Variants in MGMT observed in about 807,000 individuals in gnomAD.
The protein encoded by MGMT is methylated-DNA--protein-cysteine methyltransferase.
Under a neutral mutation model 15.9 loss-of-function variants are expected in MGMT, and 14 were observed. That is an observed-to-expected ratio of 0.88 (90% CI 0.58 to 1.37). The LOEUF (loss-of-function observed/expected upper bound fraction) is 1.37, where lower values mean the gene tolerates loss of function less well. Among genes scored for constraint, MGMT ranks in the 40% most tolerant of loss-of-function variants. The pLI is 0.00. For missense variants in MGMT, 282 were observed against 268.1 expected (o/e 1.05, Z -0.36); for synonymous variants, 130 against 118.2 (o/e 1.10, Z -0.65).
intron 3 of MGMT, among the ~76,000 whole-genome samples, chr10:129,712,435 C>T (rs1289478338): frequency 6.6e-6 from 1 of 152,220 alleles, no homozygotes; most frequent in African/African-American, 2.4e-5. Context: ...AGTAAAATCT[C>T]CCTTTTTTAA....
At chr10:129,619,811 G>A (rs1847070938) in intron 2 of MGMT, among the ~76,000 whole-genome samples, 1 of 152,168 alleles carries the variant, frequency 6.6e-6, no homozygotes, top group Non-Finnish European at 1.5e-5. Flanking sequence ...CCATGATGAT[G>A]CTATTCCACT....
At chr10:129,735,161 G>C (rs897386210) in intron 3 of MGMT, among the ~76,000 whole-genome samples, 1 of 152,142 alleles carries the variant, frequency 6.6e-6, no homozygotes, top group Non-Finnish European at 1.5e-5. Flanking sequence ...TGTACCTCTG[G>C]TAGAATTCGG....
rs188738170 is a variant in MGMT at position 129,752,341 on chromosome 10, G to A, written c.275-6861G>A. On this transcript the variant is annotated intron_variant, in intron 3 of 4. Transcript: ENST00000651593. ...TTGCATGGTATATCTTTTTCTATCC[G>A]TTTACTTTTAACCTACCTACAGGTA... 5.5e-4 allele frequency among the ~76,000 whole-genome samples: 84 copies of A among 151,386 alleles called. 1 individual carries two copies. The highest frequency in any genetic ancestry group is 1.8e-3 in the Admixed American group (27 of 15,224).
intron 2 of MGMT, among the ~76,000 whole-genome samples, chr10:129,579,454 C>T (rs575098982): frequency 1.3e-5 from 2 of 152,354 alleles, no homozygotes; most frequent in African/African-American, 2.4e-5. Flanking sequence ...CGGCCTGCCC[C>T]GTTTCTGTGC....
At chr10:129,656,356 C>A (rs1847524639) in intron 2 of MGMT, among the ~76,000 whole-genome samples, 3 of 152,206 alleles carry the variant, frequency 2.0e-5, no homozygotes. Context: ...CCTGGTTGGG[C>A]ATCTCCCTGG....
chr10:129,559,085 C>T (rs1423525499), intron 2 of MGMT, among the ~76,000 whole-genome samples: 1 of 152,102 alleles, frequency 6.6e-6, no homozygotes, highest in African/African-American at 2.4e-5. Flanking sequence ...GCTGTTTCTG[C>T]GTCGGAACGT....
intron 3 of MGMT, among the ~76,000 whole-genome samples, chr10:129,722,721 G>C (rs543066375): frequency 1.3e-5 from 2 of 152,204 alleles, no homozygotes; most frequent in South Asian, 4.1e-4. Context: ...GTAAAGTCTT[G>C]TTGGCCAGGC....
intron 1 of MGMT, among the ~76,000 whole-genome samples, chr10:129,471,492 C>T (rs12266534): frequency 0.29 from 43,965 of 151,990 alleles, 7,045 homozygotes; most frequent in Non-Finnish European, 0.36. Flanking sequence ...TCAGGTGTCT[C>T]TCCTGCTTGT....
chr10:129,741,120 C>T (rs560534315), intron 3 of MGMT, among the ~76,000 whole-genome samples: 6 of 152,246 alleles, frequency 3.9e-5, no homozygotes, highest in African/African-American at 1.4e-4. Flanking sequence ...GGCAAACTTT[C>T]TTCCCCAAGA....
At chr10:129,663,354 A>C (rs1047756264) in intron 2 of MGMT, among the ~76,000 whole-genome samples, 5 of 152,220 alleles carry the variant, frequency 3.3e-5, no homozygotes, top group Admixed American at 6.5e-5. Context: ...CAGTGATTAG[A>C]GAATTCATGA....
At chr10:129,517,548 C>T (rs546065162) in intron 1 of MGMT, among the ~76,000 whole-genome samples, 11 of 152,282 alleles carry the variant, frequency 7.2e-5, no homozygotes, top group African/African-American at 1.7e-4. Context: ...TTACTGTTCA[C>T]GGGAGGAAGG....
chr10:129,728,395 G>A (rs77862867), intron 3 of MGMT, among the ~76,000 whole-genome samples: 8,007 of 152,176 alleles, frequency 0.053, 484 homozygotes, highest in African/African-American at 0.15. Flanking sequence ...GGCTGATGTG[G>A]TGTGACCAGA....
At chr10:129,484,334 G>A (rs1845387244) in intron 1 of MGMT, among the ~76,000 whole-genome samples, 2 of 152,118 alleles carry the variant, frequency 1.3e-5, no homozygotes, top group African/African-American at 4.8e-5. Context: ...TGCCTTGATA[G>A]TTTAAAAAAC....
chr10:129,650,541 C>T (rs1400380046), intron 2 of MGMT, among the ~76,000 whole-genome samples: 1 of 152,168 alleles, frequency 6.6e-6, no homozygotes, highest in Non-Finnish European at 1.5e-5. Context: ...AAAACCCTCA[C>T]CATTGCGTCC....
intron 2 of MGMT, among the ~76,000 whole-genome samples, chr10:129,581,256 C>T (rs1846552473): frequency 1.3e-5 from 2 of 152,160 alleles, no homozygotes; most frequent in South Asian, 2.1e-4. Context: ...TTCTGCTTTC[C>T]TGCCCCTGGT....
At chr10:129,680,483 A>C (rs1847837557) in intron 2 of MGMT, among the ~76,000 whole-genome samples, 1 of 152,166 alleles carries the variant, frequency 6.6e-6, no homozygotes, top group South Asian at 2.1e-4. Flanking sequence ...AGGCAGACTC[A>C]GGAAGGTTCA....
intron 2 of MGMT, among the ~76,000 whole-genome samples, chr10:129,573,815 AG>A (rs1443958641): frequency 1.3e-5 from 2 of 152,248 alleles, no homozygotes; most frequent in African/African-American, 4.8e-5. Context: ...CATATATGAA[AG>A]AGTATAAAAT....
chr10:129,562,459 G>T (rs930514167), intron 2 of MGMT, among the ~76,000 whole-genome samples: 1 of 152,230 alleles, frequency 6.6e-6, no homozygotes, highest in Non-Finnish European at 1.5e-5. Context: ...CTAGCAAAGA[G>T]AACTTCCTGG....
At chr10:129,752,704 T>C (rs991916126) in intron 3 of MGMT, among the ~76,000 whole-genome samples, 2 of 152,118 alleles carry the variant, frequency 1.3e-5, no homozygotes, top group South Asian at 2.1e-4. Context: ...TTAAGTGGAA[T>C]ATAGAAATCT....
Sources: allele counts gnomAD v4.1 joint callset (sites outside exome capture counted in the v4.1 genomes callset), GRCh38; gene constraint gnomAD v4.1.1; transcripts MANE v1.5; gene names NCBI Gene and HGNC (gene_info 2026-07-23, HGNC 2026-07-21).